CNTN5: variants seen among roughly 807,000 people sequenced by gnomAD.
CNTN5 encodes contactin 5, also known as contactin-5.
Under a neutral mutation model 129.1 loss-of-function variants are expected in CNTN5, and 77 were observed. The observed-to-expected ratio is 0.60, with a 90% CI of 0.50 to 0.72. The LOEUF is 0.72. Among genes scored for constraint, CNTN5 ranks in the 30% least tolerant of loss-of-function variants. The pLI, the probability that CNTN5 is intolerant of heterozygous loss-of-function variation, is 0.00. For missense variants in CNTN5, 1,478 were observed against 1,328.8 expected (o/e 1.11, Z -1.75); for synonymous variants, 509 against 465.6 (o/e 1.09, Z -1.20).
Position 99,956,783 on chromosome 11 carries a change from G to T in CNTN5, c.674-23G>T. 4.4e-6 allele frequency: 7 copies of T among 1,602,212 alleles called. No individual in the cohort carries two copies. In the South Asian group the frequency reaches 7.7e-5, roughly 18 times the overall value. ...AATGAAAAAATCAAAGTCTTTCGTT[G>T]ACCAAATTTTGTGTATTTTCAGAGA... On this transcript the variant is annotated intron_variant, in intron 7 of 24. Coordinates refer to ENST00000524871, the MANE Select transcript of CNTN5 (RefSeq NM_014361.4).
Position 100,033,118 on chromosome 11 carries a change from C to G in CNTN5, c.981-28094C>G, listed in dbSNP as rs11823296. Among the ~76,000 whole-genome samples the G allele has an allele frequency of 2.8e-4, 43 of 152,202 alleles. 2 individuals carry two copies. The highest frequency in any genetic ancestry group is 1.4e-3 in the Admixed American group (21 of 15,288). ...CTATGTAATTTTTAATTTAACATCT[C>G]CACTTTTGACAGAATATAGACAGTT... On this transcript the variant is annotated intron_variant, in intron 9 of 24. Transcript: ENST00000524871.
intron 3 of CNTN5, among the ~76,000 whole-genome samples, chr11:99,689,495 CT>C (rs1287462610): frequency 7.7e-6 from 1 of 130,140 alleles, no homozygotes; most frequent in Non-Finnish European, 1.6e-5. Flanking sequence ...CCACTGCACT[CT>C]ACCCTGGGCG....
intron 21 of CNTN5, among the ~76,000 whole-genome samples, chr11:100,328,465 C>G (rs1424488136): frequency 1.3e-5 from 2 of 152,124 alleles, no homozygotes; most frequent in Non-Finnish European, 2.9e-5. Context: ...GTTCAACAAG[C>G]TGTACAGGAA....
At chr11:100,183,463 T>A (rs1197077370) in intron 13 of CNTN5, among the ~76,000 whole-genome samples, 1 of 152,158 alleles carries the variant, frequency 6.6e-6, no homozygotes, top group Non-Finnish European at 1.5e-5. Flanking sequence ...CAGGGCTGAA[T>A]CTCAATTTAA....
chr11:100,061,199 T>C lies in CNTN5; in HGVS notation c.981-13T>C, dbSNP rs1943460700. 1.9e-6 allele frequency: 3 copies of C among 1,595,824 alleles called. No individual in the cohort carries two copies. The highest frequency in any genetic ancestry group is 2.6e-6 in the Non-Finnish European group (3 of 1,165,774). On this transcript the variant is annotated splice_polypyrimidine_tract_variant and intron_variant, in intron 9 of 24. Transcript: ENST00000524871. ...GGAGAGTGTATTAACAGTATTTTTG[T>C]TCCCTATCGTAGCCCCGTTCCAACA...
At chr11:100,064,090 G>A (rs1943598367) in intron 10 of CNTN5, among the ~76,000 whole-genome samples, 1 of 152,088 alleles carries the variant, frequency 6.6e-6, no homozygotes, top group African/African-American at 2.4e-5. Context: ...TTTATATTTA[G>A]AATATTCTCT....
intron 2 of CNTN5, among the ~76,000 whole-genome samples, chr11:99,499,109 T>C (rs929942363): frequency 2.6e-5 from 4 of 152,328 alleles, no homozygotes; most frequent in Admixed American, 1.3e-4. Context: ...TGGTCAGTGA[T>C]ATCATATCTA....
At chr11:100,043,112 A>C (rs576460803) in intron 9 of CNTN5, among the ~76,000 whole-genome samples, 1 of 152,212 alleles carries the variant, frequency 6.6e-6, no homozygotes, top group Non-Finnish European at 1.5e-5. Context: ...TTTTAAGCAA[A>C]TTAAAATCTT....
chr11:99,749,088 G>A (rs1261178244), intron 3 of CNTN5, among the ~76,000 whole-genome samples: 1 of 150,786 alleles, frequency 6.6e-6, no homozygotes, highest in Non-Finnish European at 1.5e-5. Context: ...GCATGATGGT[G>A]ATGTCAGAAA....
intron 2 of CNTN5, among the ~76,000 whole-genome samples, chr11:99,383,168 T>C (rs572795290): frequency 1.7e-4 from 26 of 152,212 alleles, no homozygotes; most frequent in Admixed American, 1.3e-3. Flanking sequence ...AAATAACTTT[T>C]ATTTCACTAA....
At chr11:99,642,384 T>C (rs1951802532) in intron 3 of CNTN5, among the ~76,000 whole-genome samples, 1 of 152,206 alleles carries the variant, frequency 6.6e-6, no homozygotes, top group Non-Finnish European at 1.5e-5. Flanking sequence ...CTGTCATTTG[T>C]AATAGAAATT....
At chr11:99,579,165 G>T (rs1045197574) in intron 3 of CNTN5, among the ~76,000 whole-genome samples, 4 of 152,062 alleles carry the variant, frequency 2.6e-5, no homozygotes, top group African/African-American at 9.7e-5. Context: ...ATTTCTGAGG[G>T]CTCTGTTCTG....
intron 2 of CNTN5, among the ~76,000 whole-genome samples, chr11:99,342,914 C>G (rs11219477): frequency 3.9e-5 from 6 of 151,944 alleles, no homozygotes; most frequent in Non-Finnish European, 4.4e-5. Flanking sequence ...TAGAAAATAA[C>G]TTCAATGATG....
rs35741733 is a variant in CNTN5 at position 99,560,268 on chromosome 11, G to GTATTATTATTAT, written c.55+4028_55+4039dup. Among the ~76,000 whole-genome samples the GTATTATTATTAT allele has an allele frequency of 3.5e-4, 49 of 141,980 alleles. 1 individual carries two copies. Among genetic ancestry groups the GTATTATTATTAT allele is most frequent in the East Asian group, 1.2e-3 (6 of 4,858 alleles). The allele number at this position is 141,980 out of a possible 152,430, so 93.1% of individuals were successfully genotyped here. On this transcript the variant is annotated intron_variant, in intron 3 of 24. Transcript: ENST00000524871. The stretch of plus-strand genomic sequence containing the variant: ...GCAGAATATGACAAAGAATCTAACT[G>GTATTATTATTAT]TATTATTATTATTATTATTATTATT...
intron 23 of CNTN5, among the ~76,000 whole-genome samples, chr11:100,348,518 T>C (rs1952335806): frequency 6.6e-6 from 1 of 152,042 alleles, no homozygotes; most frequent in Non-Finnish European, 1.5e-5. Context: ...AGATATGCAT[T>C]GCTGGATGTA....
At chr11:99,164,907 A>G (rs978714837) in intron 1 of CNTN5, among the ~76,000 whole-genome samples, 7 of 152,188 alleles carry the variant, frequency 4.6e-5, no homozygotes, top group Non-Finnish European at 7.4e-5. Flanking sequence ...CTCTCTACAT[A>G]GCGAGATGTT....
At chr11:100,134,993 A>G (rs956597954) in intron 13 of CNTN5, among the ~76,000 whole-genome samples, 1 of 152,086 alleles carries the variant, frequency 6.6e-6, no homozygotes, top group African/African-American at 2.4e-5. Context: ...CTCTCAGTAT[A>G]TATTGGTTTG....
At chr11:99,154,541 T>A in intron 1 of CNTN5, among the ~76,000 whole-genome samples, 1 of 152,102 alleles carries the variant, frequency 6.6e-6, no homozygotes, top group Non-Finnish European at 1.5e-5. Flanking sequence ...GACCTGTGCA[T>A]GTGTGCTGAC....
intron 13 of CNTN5, among the ~76,000 whole-genome samples, chr11:100,077,049 C>A (rs755504900): frequency 7.2e-5 from 11 of 152,066 alleles, no homozygotes; most frequent in Non-Finnish European, 1.5e-4. Context: ...TTAACAATGT[C>A]AAATGCCTAT....
Sources: gnomAD v4.1 joint callset for allele counts (sites outside exome capture counted in the v4.1 genomes callset) on GRCh38, gnomAD v4.1.1 for gene constraint, MANE v1.5 for transcripts, NCBI Gene and HGNC (gene_info 2026-07-23, HGNC 2026-07-21) for gene names.